SHLD2: variants seen among roughly 807,000 people sequenced by gnomAD.
The protein encoded by SHLD2 is RINN1-REV7-interacting novel NHEJ regulator 2.
A neutral mutation model predicts 73.2 loss-of-function variants in SHLD2; 30 were observed. That is an observed-to-expected ratio of 0.41 (90% CI 0.31 to 0.56). The LOEUF is 0.56. Ranked by LOEUF, SHLD2 falls within the 20% of genes least tolerant of loss-of-function variation. SHLD2 has a pLI of 0.28. For missense variants in SHLD2, 745 were observed against 1,055.9 expected, an observed-to-expected ratio of 0.71 and a Z score of 4.08; for synonymous variants, 285 against 370.1, an observed-to-expected ratio of 0.77 and a Z score of 2.64.
At chr10:87,094,596 G>A (rs1325247193), upstream of SHLD2, 2 of 1,610,976 alleles carry the variant, frequency 1.2e-6, no homozygotes, top group Non-Finnish European at 1.7e-6. The surrounding 1 kb of genome is among the most constrained non-coding windows in gnomAD (Gnocchi z 6.6). Context: ...CCTCGCGGTC[G>A]GCCACCGCCT....
At chr10:87,132,221 A>C (rs1230594765) in intron 2 of SHLD2, among the ~76,000 whole-genome samples, 2 of 152,064 alleles carry the variant, frequency 1.3e-5, no homozygotes, top group Admixed American at 6.5e-5. Context: ...TTGTGATGTA[A>C]TGATGTCAGA....
intron 6 of SHLD2, among the ~76,000 whole-genome samples, chr10:87,173,437 T>C (rs1257058113): frequency 6.6e-6 from 1 of 151,898 alleles, no homozygotes; most frequent in Non-Finnish European, 1.5e-5. Context: ...TCACAATAAA[T>C]ATATTTTATT....
At chr10:87,186,998 A>T in intron 8 of SHLD2, 87 bp from the exon 9 acceptor site, 1 of 838,774 alleles carries the variant, frequency 1.2e-6, no homozygotes, top group Non-Finnish European at 2.0e-6. Flanking sequence ...CATAAAAACC[A>T]AGTGCTTTTT....
intron 2 of SHLD2, among the ~76,000 whole-genome samples, chr10:87,103,811 T>C (rs1166183561): frequency 6.6e-6 from 1 of 152,234 alleles, no homozygotes; most frequent in Non-Finnish European, 1.5e-5. Flanking sequence ...GTTGTATTGC[T>C]GAGTAACAGT....
At chr10:87,170,324 G>T (rs1847503647) in intron 4 of SHLD2, among the ~76,000 whole-genome samples, 154 bp from the exon 5 acceptor site, 1 of 152,086 alleles carries the variant, frequency 6.6e-6, no homozygotes, top group Admixed American at 6.5e-5. Flanking sequence ...ACTGATTCAA[G>T]ACTTAGCTAT....
rs567772880 is a variant in SHLD2, at chr10:87,104,319, G to A, written c.-6+7330G>A. On this transcript the variant is annotated intron_variant, in intron 2 of 9. Transcript: ENST00000298786. Reference sequence around the variant, plus strand: ...TCCCAGCACTTTGGGAGGCCGAGGCGGGTGGATCACCTGAGGTCAGGAGTT... The same window carrying A: ...TCCCAGCACTTTGGGAGGCCGAGGCAGGTGGATCACCTGAGGTCAGGAGTT... Among the ~76,000 whole-genome samples the A allele has an allele frequency of 6.6e-5, 10 of 150,996 alleles. No homozygotes were observed. In the South Asian group the frequency reaches 8.4e-4, roughly 13 times the overall value.
At chr10:87,104,131 G>A (rs1402264259) in intron 2 of SHLD2, among the ~76,000 whole-genome samples, 3 of 151,542 alleles carry the variant, frequency 2.0e-5, no homozygotes, top group Admixed American at 2.0e-4. Flanking sequence ...CAGCTACTTG[G>A]GAGGCTGAGA....
chr10:87,152,389 T>C lies in SHLD2; in HGVS notation c.1035T>C (p.Ser345=). The C allele has an allele frequency of 6.3e-7, 1 of 1,578,054 alleles. No individual in the cohort carries two copies. The highest frequency in any genetic ancestry group is 2.2e-5 in the East Asian group (1 of 44,692). The change falls in exon 3 of 10, where the codon TCT becomes TCC. Residue 345 remains serine, a synonymous_variant. Transcript: ENST00000298786. The part of the protein sequence containing the change: ...EHTGSQELFS[S]EDELPPNEIR... ...CAGGATCTCAAGAACTTTTCAGTTC[T>C]GAAGATGAACTGCCACCAAATGAGA...
At chr10:87,190,167 T>G (rs1264712847) in intron 9 of SHLD2, among the ~76,000 whole-genome samples, 1 of 152,232 alleles carries the variant, frequency 6.6e-6, no homozygotes, top group Admixed American at 6.5e-5. Flanking sequence ...CAAGCAAATC[T>G]CCTGCCTCAG....
intron 2 of SHLD2, among the ~76,000 whole-genome samples, chr10:87,141,811 A>T (rs958549562): frequency 4.6e-5 from 7 of 152,098 alleles, no homozygotes; most frequent in African/African-American, 1.7e-4. Context: ...TGGGTGGATC[A>T]CCTGAGGTCA....
intron 2 of SHLD2, among the ~76,000 whole-genome samples, chr10:87,132,836 A>T (rs1307418876): frequency 6.6e-6 from 1 of 152,240 alleles, no homozygotes; most frequent in Non-Finnish European, 1.5e-5. Context: ...GGGGGTATAG[A>T]ATCCTATCTA....
In SHLD2 at chr10:87,111,821, T is replaced by C. The variant is rs181436130; in HGVS notation, c.-6+14832T>C. 7.7e-3 allele frequency among the ~76,000 whole-genome samples: 1,164 copies of C among 151,874 alleles called. 16 individuals are homozygous for C. Among genetic ancestry groups the C allele is most frequent in the African/African-American group, 0.027 (1,119 of 41,424 alleles). On this transcript the variant is annotated intron_variant, in intron 2 of 9. Coordinates refer to ENST00000298786, the MANE Select transcript of SHLD2 (RefSeq NM_001330112.2). The stretch of plus-strand genomic sequence containing the variant: ...GTTTCAAAGGACATCATTAAGAAAG[T>C]GAAAAGACAACCTACAGAACGGGAT...
chr10:87,140,419 CAAAA>C, intron 2 of SHLD2, among the ~76,000 whole-genome samples: 1 of 102,338 alleles, frequency 9.8e-6, no homozygotes, highest in East Asian at 3.3e-4. Flanking sequence ...GAACCTATCT[CAAAA>C]AAAAAAAAAA....
chr10:87,154,280 T>TCAG (rs1846223620), intron 3 of SHLD2: 1 of 152,034 alleles, frequency 6.6e-6, no homozygotes, highest in Admixed American at 6.6e-5. Flanking sequence ...CCTGATCGGC[T>TCAG]ACAACTCTGA....
rs768796069 is a variant in SHLD2, at chr10:87,190,645, C to T, written c.2677C>T (p.Pro893Ser). ...QQDFSLLDFY[P>S]DIVKHGANAR... ...AGATTTCTCCCTCCTGGATTTTTAT[C>T]CTGACATTGTAAAGCATGGAGCCAA... is the stretch of plus-strand genomic sequence containing the variant. Residue 893 changes from proline to serine, a missense_variant, in exon 10 of 10, where the codon CCT becomes TCT. By Grantham distance (74) the Pro-to-Ser change is moderately conservative. Coordinates refer to ENST00000298786, the MANE Select transcript of SHLD2 (RefSeq NM_001330112.2). 2.3e-5 allele frequency: 37 copies of T among 1,611,810 alleles called. No homozygotes were observed. In the Admixed American group the frequency reaches 6.2e-4, roughly 27 times the overall value.
intron 6 of SHLD2, among the ~76,000 whole-genome samples, chr10:87,175,414 G>A (rs1211048808): frequency 1.3e-5 from 2 of 151,284 alleles, no homozygotes; most frequent in Admixed American, 6.6e-5. Context: ...GGCCCGGCAC[G>A]GAGGCTTATG....
At chr10:87,100,582 A>G (rs1220179074) in intron 2 of SHLD2, among the ~76,000 whole-genome samples, 3 of 151,938 alleles carry the variant, frequency 2.0e-5, no homozygotes, top group South Asian at 2.1e-4. Context: ...GGTTCAAGCA[A>G]TTCTCCTGCT....
intron 2 of SHLD2, among the ~76,000 whole-genome samples, chr10:87,146,673 T>G (rs1845634441): frequency 6.6e-6 from 1 of 151,998 alleles, no homozygotes; most frequent in Non-Finnish European, 1.5e-5. Context: ...CAATTCTCCT[T>G]CTTCCATTGT....
intron 7 of SHLD2, among the ~76,000 whole-genome samples, chr10:87,177,347 C>T (rs1332995616): frequency 1.3e-5 from 2 of 149,852 alleles, no homozygotes; most frequent in Non-Finnish European, 1.5e-5. Context: ...AATAGGAGGC[C>T]ACCATGCTGA....
Sources: allele counts gnomAD v4.1 joint callset (sites outside exome capture counted in the v4.1 genomes callset), GRCh38; gene constraint gnomAD v4.1.1; non-coding constraint Gnocchi (gnomAD v3.1); transcripts MANE v1.5; gene names NCBI Gene and HGNC (gene_info 2026-07-23, HGNC 2026-07-21).